WWOX: variants seen among roughly 807,000 people sequenced by gnomAD.
The protein encoded by WWOX is WW domain containing oxidoreductase.
In WWOX, 69 loss-of-function variants were observed where a neutral mutation model predicts 46.2. The observed-to-expected ratio is 1.49, with a 90% CI of 1.23 to 1.82. The LOEUF (loss-of-function observed/expected upper bound fraction) is 1.82, where lower values mean the gene tolerates loss of function less well. WWOX is among the 40% of genes most tolerant of loss of function. The pLI, the probability that WWOX is intolerant of heterozygous loss-of-function variation, is 0.00. For synonymous variants in WWOX, 359 were observed against 202.6 expected (o/e 1.77, Z -6.56); for missense variants, 919 against 542.6 (o/e 1.69, Z -6.89).
At chr16:79,004,407 T>C (rs2047153030) in intron 8 of WWOX, 1 of 151,794 alleles carries the variant, frequency 6.6e-6, no homozygotes, top group Non-Finnish European at 1.5e-5. Context: ...GGCCCTGGAG[T>C]GGAGGAACAG....
chr16:78,859,432 C>A (rs1383525793), intron 8 of WWOX, among the ~76,000 whole-genome samples: 3 of 151,876 alleles, frequency 2.0e-5, no homozygotes, highest in Non-Finnish European at 4.4e-5. Context: ...AGAACTGGGT[C>A]TACTATTGCA....
At position 78,259,419 on chromosome 16, in the gene WWOX, C is replaced by T. The variant is rs142451298; in HGVS notation, c.516+95130C>T. ...TCGGCTGACTGCAACCTCTGCCTCC[C>T]GGGTTCAAGCAATTCTCCTGCCTCA... On this transcript the variant is annotated intron_variant, in intron 5 of 8. Transcript: ENST00000566780. 2.4e-3 allele frequency among the ~76,000 whole-genome samples: 368 copies of T among 152,234 alleles called. 8 individuals are homozygous for T. The East Asian group carries it at 0.05, about 21-fold the overall frequency.
At chr16:79,025,505 C>G (rs72795608) in intron 8 of WWOX, among the ~76,000 whole-genome samples, 1 of 152,000 alleles carries the variant, frequency 6.6e-6, no homozygotes, top group Admixed American at 6.6e-5. Context: ...AGACTGAGAT[C>G]GGAGTGATTC....
At chr16:78,893,384 C>G (rs1003951159) in intron 8 of WWOX, among the ~76,000 whole-genome samples, 2 of 152,122 alleles carry the variant, frequency 1.3e-5, no homozygotes, top group Non-Finnish European at 2.9e-5. Context: ...CAGGCTCCCC[C>G]ATTCAGTATA....
intron 8 of WWOX, among the ~76,000 whole-genome samples, chr16:79,096,366 C>G (rs1405042442): frequency 2.6e-5 from 4 of 152,114 alleles, no homozygotes; most frequent in South Asian, 2.1e-4. Context: ...TGCGTCCTCT[C>G]CCTTCCCCCA....
At chr16:79,085,177 C>T (rs1217974924) in intron 8 of WWOX, among the ~76,000 whole-genome samples, 1 of 152,044 alleles carries the variant, frequency 6.6e-6, no homozygotes. Context: ...CACGGGAGTA[C>T]CATTTCTGTC....
At chr16:78,838,962 G>A (rs11649397) in intron 8 of WWOX, among the ~76,000 whole-genome samples, 30,747 of 152,014 alleles carry the variant, frequency 0.2, 3,426 homozygotes, top group Non-Finnish European at 0.24. Context: ...GAGGATCCTG[G>A]TATAGATGGA....
intron 5 of WWOX, among the ~76,000 whole-genome samples, chr16:78,191,670 G>A (rs1281186156): frequency 6.6e-6 from 1 of 152,178 alleles, no homozygotes; most frequent in Non-Finnish European, 1.5e-5. Context: ...CCCACATGGG[G>A]AAGGTTTTGG....
intron 8 of WWOX, among the ~76,000 whole-genome samples, chr16:78,784,931 G>A (rs1027087217): frequency 1.3e-5 from 2 of 152,152 alleles, no homozygotes; most frequent in African/African-American, 4.8e-5. Flanking sequence ...CACATACGAG[G>A]AAGCGAGGTG....
chr16:78,379,472 G>A (rs987614398), intron 5 of WWOX, among the ~76,000 whole-genome samples: 2 of 152,152 alleles, frequency 1.3e-5, no homozygotes, highest in Non-Finnish European at 1.5e-5. Context: ...CTGTACCGAC[G>A]TGTTCCTTTA....
chr16:79,206,406 C>G (rs562539331), intron 8 of WWOX: 16 of 152,350 alleles, frequency 1.1e-4, no homozygotes, highest in African/African-American at 3.8e-4. Context: ...ATCTGTATGG[C>G]TTTGGACGAG....
chr16:79,089,749 C>G (rs572346563), intron 8 of WWOX, among the ~76,000 whole-genome samples: 1 of 152,174 alleles, frequency 6.6e-6, no homozygotes, highest in East Asian at 1.9e-4. Context: ...TATTAGTTGC[C>G]CAGACCTTGC....
intron 8 of WWOX, among the ~76,000 whole-genome samples, chr16:78,981,145 C>G (rs773502672): frequency 6.6e-6 from 1 of 152,162 alleles, no homozygotes; most frequent in Non-Finnish European, 1.5e-5. Context: ...CTGGGAGGAC[C>G]GTTGTACTGC....
At chr16:78,119,749 A>T (rs2032996471) in intron 4 of WWOX, among the ~76,000 whole-genome samples, 1 of 152,016 alleles carries the variant, frequency 6.6e-6, no homozygotes, top group African/African-American at 2.4e-5. Flanking sequence ...TACTGGTGTG[A>T]GCCACTGTGC....
At chr16:78,128,082 T>C (rs932637725) in intron 4 of WWOX, among the ~76,000 whole-genome samples, 21 of 152,296 alleles carry the variant, frequency 1.4e-4, no homozygotes, top group African/African-American at 5.1e-4. Context: ...GGAAAAATCA[T>C]AGTTATAGAA....
At chr16:78,504,026 C>G (rs1339989877) in intron 8 of WWOX, among the ~76,000 whole-genome samples, 7 of 152,094 alleles carry the variant, frequency 4.6e-5, no homozygotes, top group Admixed American at 4.6e-4. Context: ...TCAAATACAT[C>G]TTAAAGATGT....
chr16:78,827,843 G>C (rs989438923), intron 8 of WWOX, among the ~76,000 whole-genome samples: 7 of 151,794 alleles, frequency 4.6e-5, no homozygotes, highest in African/African-American at 1.4e-4. Flanking sequence ...CCATTTCAGA[G>C]AAAAACAACA....
intron 8 of WWOX, among the ~76,000 whole-genome samples, chr16:78,446,739 C>T (rs2083569792): frequency 6.9e-6 from 1 of 145,612 alleles, no homozygotes; most frequent in African/African-American, 2.6e-5. Flanking sequence ...CGGCTCACTG[C>T]AGCCTCCGCC....
At position 78,652,202 on chromosome 16, in the gene WWOX, G is replaced by C. The variant is rs535059021; in HGVS notation, c.1056+219450G>C. On this transcript the variant is annotated intron_variant, in intron 8 of 8. Coordinates refer to ENST00000566780, the MANE Select transcript of WWOX (RefSeq NM_016373.4). ...TGAGGTGGGCAGATCACGAGGTCAAGAGATCGAGACCATCCTGGCCAATAT... is the reference window on the plus strand; with the variant it reads ...TGAGGTGGGCAGATCACGAGGTCAACAGATCGAGACCATCCTGGCCAATAT... Among the ~76,000 whole-genome samples the C allele has an allele frequency of 2.5e-3, 377 of 152,084 alleles. 2 individuals are homozygous for C. The highest frequency in any genetic ancestry group is 8.7e-3 in the African/African-American group (359 of 41,482).
Sources: gnomAD v4.1 joint callset for allele counts (sites outside exome capture counted in the v4.1 genomes callset) on GRCh38, gnomAD v4.1.1 for gene constraint, MANE v1.5 for transcripts, NCBI Gene and HGNC (gene_info 2026-07-23, HGNC 2026-07-21) for gene names.